The following SLC8A1 variants were observed in gnomAD, a reference collection of about 807,000 sequenced individuals.
SLC8A1 encodes sodium/calcium exchanger 1.
Under a neutral mutation model 68.3 loss-of-function variants are expected in SLC8A1, and 18 were observed. The ratio of observed to expected loss-of-function variants is 0.26; its 90% CI spans 0.18 to 0.39. SLC8A1 has a LOEUF of 0.39. Ranked by LOEUF, SLC8A1 falls within the 10% of genes least tolerant of loss-of-function variation. The probability of loss-of-function intolerance (pLI) is 1.00; values close to 1 mark genes in which losing one functional copy is unlikely to be tolerated. For synonymous variants in SLC8A1, 475 were observed against 415.5 expected, an observed-to-expected ratio of 1.14 and a Z score of -1.74; for missense variants, 985 against 1,156.7, an observed-to-expected ratio of 0.85 and a Z score of 2.15.
intron 2 of SLC8A1, among the ~76,000 whole-genome samples, chr2:40,186,990 A>G (rs78590392): frequency 0.011 from 1,635 of 152,346 alleles, 11 homozygotes; most frequent in African/African-American, 0.017. Context: ...TATTAGTTGA[A>G]AAGGAGTGGT....
In SLC8A1 at chr2:40,309,547, C is replaced by T. The variant is rs1405675044; in HGVS notation, c.1808+118926G>A. On this transcript the variant is annotated intron_variant, in intron 2 of 7. Coordinates refer to ENST00000406785, the Ensembl canonical transcript of SLC8A1. ...TGTGAGACGGAGTCTCGCTCTGTTG[C>T]CCAGGCTGGAGTGCAATGGTGCAAT... 2.9e-5 allele frequency among the ~76,000 whole-genome samples: 4 copies of T among 137,498 alleles called. No homozygotes were observed. In the East Asian group the frequency reaches 9.0e-4, roughly 31 times the overall value. The allele number at this position is 137,498 out of a possible 152,430, so 90.2% of individuals were successfully genotyped here.
At chr2:40,392,626 C>T (rs1330716104) in intron 2 of SLC8A1, among the ~76,000 whole-genome samples, 1 of 152,084 alleles carries the variant, frequency 6.6e-6, no homozygotes, top group Non-Finnish European at 1.5e-5. Flanking sequence ...CTAAAAATAT[C>T]TTTGAAAGTT....
At chr2:40,424,315 A>C in intron 2 of SLC8A1, among the ~76,000 whole-genome samples, 1 of 151,770 alleles carries the variant, frequency 6.6e-6, no homozygotes, top group East Asian at 1.9e-4. Context: ...CTCAGAATTG[A>C]ATTGCCATCT....
intron 2 of SLC8A1, chr2:40,220,426 TTTGGGTGCTTG>T (rs2058154506): frequency 6.6e-6 from 1 of 152,182 alleles, no homozygotes; most frequent in Non-Finnish European, 1.5e-5. Flanking sequence ...ATCATCGCCA[TTTGGGTGCTTG>T]TTGGGAAGGT....
At chr2:40,339,303 G>A (rs1199324352) in intron 2 of SLC8A1, among the ~76,000 whole-genome samples, 1 of 152,146 alleles carries the variant, frequency 6.6e-6, no homozygotes, top group East Asian at 1.9e-4. Context: ...TTAGATAAAG[G>A]TAATGTGCAT....
chr2:40,425,106 G>T (rs114115980), intron 2 of SLC8A1, among the ~76,000 whole-genome samples: 6 of 151,800 alleles, frequency 4.0e-5, no homozygotes, highest in Non-Finnish European at 8.9e-5. Flanking sequence ...CATTGGTTTA[G>T]TATGTGTCAT....
intron 2 of SLC8A1, among the ~76,000 whole-genome samples, chr2:40,326,876 G>C (rs2149359303): frequency 6.6e-6 from 1 of 152,292 alleles, no homozygotes; most frequent in Non-Finnish European, 1.5e-5. Context: ...ACAAGAGAAG[G>C]ATCCTAACCA....
chr2:40,492,407 G>C (rs1024276704), intron 1 of SLC8A1, among the ~76,000 whole-genome samples: 24 of 152,162 alleles, frequency 1.6e-4, no homozygotes, highest in African/African-American at 5.5e-4. Flanking sequence ...GAAAACCTAG[G>C]CATTACCATT....
At chr2:40,253,193 G>A (rs72794789) in intron 2 of SLC8A1, among the ~76,000 whole-genome samples, 20,160 of 140,884 alleles carry the variant, frequency 0.14, 1,701 homozygotes, top group Middle Eastern at 0.26. Context: ...ATATATACAC[G>A]TATATGTATA....
intron 1 of SLC8A1, among the ~76,000 whole-genome samples, chr2:40,435,706 T>C (rs1699263363): frequency 6.6e-6 from 1 of 152,162 alleles, no homozygotes; most frequent in South Asian, 2.1e-4. Context: ...ATAACGAAGT[T>C]GTTGAAAACT....
chr2:40,182,865 C>T (rs2049890285), intron 2 of SLC8A1, among the ~76,000 whole-genome samples: 1 of 152,102 alleles, frequency 6.6e-6, no homozygotes, highest in Non-Finnish European at 1.5e-5. Flanking sequence ...GGTTTCTTTT[C>T]TTTAAGTCTG....
intron 2 of SLC8A1, among the ~76,000 whole-genome samples, chr2:40,273,842 A>C (rs2149149104): frequency 6.6e-6 from 1 of 151,912 alleles, no homozygotes; most frequent in South Asian, 2.1e-4. Flanking sequence ...GAACGAGGAA[A>C]ACATAGTTAA....
chr2:40,105,430 C>T (rs933317646), exon 8 of SLC8A1: 4 of 152,190 alleles, frequency 2.6e-5, no homozygotes, highest in South Asian at 2.1e-4. Flanking sequence ...GATGTTGAGT[C>T]GTGGAGGCTT....
upstream of SLC8A1, among the ~76,000 whole-genome samples, chr2:40,455,404 G>T (rs887462968): frequency 5.3e-5 from 8 of 152,084 alleles, no homozygotes; most frequent in African/African-American, 1.7e-4. Context: ...TACCTCTATT[G>T]TCTCTTCCAT....
At chr2:40,419,426 C>A (rs145998425) in intron 2 of SLC8A1, among the ~76,000 whole-genome samples, 2 of 152,210 alleles carry the variant, frequency 1.3e-5, no homozygotes, top group East Asian at 3.9e-4. Flanking sequence ...CAGCAGAAAT[C>A]TAATCAGGGC....
intron 2 of SLC8A1, among the ~76,000 whole-genome samples, chr2:40,262,856 C>T (rs1410821345): frequency 6.6e-6 from 1 of 152,166 alleles, no homozygotes; most frequent in Admixed American, 6.5e-5. Context: ...AGCTCTCCTC[C>T]CACCTCTTTC....
At chr2:40,212,397 G>A (rs1255495018) in intron 2 of SLC8A1, among the ~76,000 whole-genome samples, 1 of 148,186 alleles carries the variant, frequency 6.7e-6, no homozygotes, top group Non-Finnish European at 1.5e-5. Context: ...CGATTCTCCT[G>A]CCTCAGCCTC....
intron 7 of SLC8A1, among the ~76,000 whole-genome samples, chr2:40,130,507 C>T (rs2039105728): frequency 6.6e-6 from 1 of 152,226 alleles, no homozygotes; most frequent in Admixed American, 6.5e-5. Context: ...TCCCGTGCTG[C>T]CCGTCTGGCA....
intron 1 of SLC8A1, among the ~76,000 whole-genome samples, chr2:40,457,397 C>T (rs544198415): frequency 6.6e-6 from 1 of 152,274 alleles, no homozygotes; most frequent in East Asian, 1.9e-4. Flanking sequence ...ATATATCTCC[C>T]TCGCTGTATC....
Sources: gnomAD v4.1 joint callset for allele counts (sites outside exome capture counted in the v4.1 genomes callset) on GRCh38, gnomAD v4.1.1 for gene constraint, MANE v1.5 for transcripts, NCBI Gene and HGNC (gene_info 2026-07-23, HGNC 2026-07-21) for gene names.